Variants in COPS4 observed in about 807,000 individuals in gnomAD.
The protein encoded by COPS4 is COP9 signalosome subunit 4.
A neutral mutation model predicts 55.1 loss-of-function variants in COPS4; 8 were observed. The ratio of observed to expected loss-of-function variants is 0.15; its 90% CI spans 0.09 to 0.26. The LOEUF is 0.26. Ranked by LOEUF, COPS4 falls within the 10% of genes least tolerant of loss-of-function variation. The pLI is 1.00. For synonymous variants in COPS4, 185 were observed against 165.7 expected (o/e 1.12, Z -0.90); for missense variants, 248 against 484.0 (o/e 0.51, Z 4.58).
intron 1 of COPS4, among the ~76,000 whole-genome samples, chr4:83,040,463 T>G (rs1322278237): frequency 6.6e-6 from 1 of 152,210 alleles, no homozygotes; most frequent in Non-Finnish European, 1.5e-5. Flanking sequence ...GTAACCTTAC[T>G]TCCAAAGTGT....
chr4:83,071,128 TTTTAG>T (rs1296718218), intron 9 of COPS4, among the ~76,000 whole-genome samples: 1 of 152,214 alleles, frequency 6.6e-6, no homozygotes, highest in East Asian at 1.9e-4. Context: ...CTAGAATTTA[TTTTAG>T]TTATTTTCAG....
At chr4:83,061,132 G>C (rs1731156292) in intron 6 of COPS4, among the ~76,000 whole-genome samples, 2 of 151,222 alleles carry the variant, frequency 1.3e-5, no homozygotes, top group Admixed American at 1.3e-4. Flanking sequence ...TCTTCTGCAT[G>C]AACTTTTTTT....
At chr4:83,073,518 GAAAA>G (rs879912421) in intron 9 of COPS4, among the ~76,000 whole-genome samples, 1 of 149,432 alleles carries the variant, frequency 6.7e-6, no homozygotes, top group East Asian at 1.9e-4. Context: ...AAGCAAAATA[GAAAA>G]AAAAAGGGGG....
At chr4:83,074,736 C>G (rs1365456718) in intron 9 of COPS4, among the ~76,000 whole-genome samples, 1 of 151,678 alleles carries the variant, frequency 6.6e-6, no homozygotes, top group Non-Finnish European at 1.5e-5. Context: ...AAACTCCTGA[C>G]CTCAGGTGAT....
chr4:83,051,252 T>G (rs1730882697), intron 4 of COPS4, among the ~76,000 whole-genome samples: 1 of 151,990 alleles, frequency 6.6e-6, no homozygotes, highest in Admixed American at 6.6e-5. Context: ...AAAAAATTTT[T>G]TTTTGTTTTA....
chr4:83,073,818 G>A (rs1437236417), intron 9 of COPS4, among the ~76,000 whole-genome samples: 4 of 152,080 alleles, frequency 2.6e-5, no homozygotes, highest in South Asian at 2.1e-4. Context: ...TTAGCTGGGC[G>A]TAGTGGTGCA....
chr4:83,070,163 T>G (rs954680186), intron 9 of COPS4, among the ~76,000 whole-genome samples: 1 of 152,222 alleles, frequency 6.6e-6, no homozygotes, highest in East Asian at 1.9e-4. Context: ...CCAGCTATCC[T>G]TCATAGTCAT....
At chr4:83,061,371 C>A (rs1459431420) in intron 6 of COPS4, among the ~76,000 whole-genome samples, 1 of 152,056 alleles carries the variant, frequency 6.6e-6, no homozygotes, top group Admixed American at 6.6e-5. Flanking sequence ...AACTCCTAAC[C>A]CTACAAGAAT....
chr4:83,069,174 TA>T (rs981946920), intron 9 of COPS4, among the ~76,000 whole-genome samples: 6 of 152,186 alleles, frequency 3.9e-5, no homozygotes, highest in African/African-American at 1.2e-4. Context: ...GGCAGACAGG[TA>T]AGTGGATCCC....
chr4:83,057,979 C>A (rs1391292026), intron 6 of COPS4, among the ~76,000 whole-genome samples: 2 of 147,322 alleles, frequency 1.4e-5, no homozygotes, highest in Non-Finnish European at 3.0e-5. Flanking sequence ...TAAAATTTCA[C>A]TAAAGAAGTG....
intron 1 of COPS4, among the ~76,000 whole-genome samples, chr4:83,041,834 A>T (rs7660648): frequency 6.6e-6 from 1 of 151,930 alleles, no homozygotes. Context: ...CAGTTTTATC[A>T]TAACTTTTGT....
intron 9 of COPS4, among the ~76,000 whole-genome samples, chr4:83,071,048 T>C (rs551206160): frequency 1.5e-4 from 23 of 152,358 alleles, no homozygotes; most frequent in Non-Finnish European, 2.8e-4. Flanking sequence ...TAATCAGTAA[T>C]GATTTTCCTG....
At chr4:83,044,444 C>CAA (rs35654094) in intron 1 of COPS4, among the ~76,000 whole-genome samples, 10 of 59,932 alleles carry the variant, frequency 1.7e-4, no homozygotes, top group Non-Finnish European at 2.3e-4. Context: ...GACTCCATCT[C>CAA]AAAAAAAAAA....
chr4:83,046,944 G>C (rs2126128938), intron 2 of COPS4, among the ~76,000 whole-genome samples: 1 of 152,216 alleles, frequency 6.6e-6, no homozygotes, highest in Middle Eastern at 3.4e-3. Context: ...ATATTTCCCT[G>C]AGTAATACCA....
chr4:83,045,113 G>C (rs1057480941), intron 1 of COPS4, among the ~76,000 whole-genome samples: 1 of 152,158 alleles, frequency 6.6e-6, no homozygotes, highest in Non-Finnish European at 1.5e-5. Flanking sequence ...TTAATGTTTG[G>C]TTTCGTTGCC....
intron 7 of COPS4, among the ~76,000 whole-genome samples, chr4:83,064,659 A>G (rs573038449): frequency 6.6e-6 from 1 of 152,032 alleles, no homozygotes; most frequent in East Asian, 1.9e-4. Context: ...CACTGGTGCA[A>G]TCATGGCCCA....
intron 6 of COPS4, among the ~76,000 whole-genome samples, chr4:83,058,812 A>T (rs1731079203): frequency 6.6e-6 from 1 of 152,220 alleles, no homozygotes; most frequent in South Asian, 2.1e-4. Flanking sequence ...GATTATGCAC[A>T]TGTATGAGTA....
chr4:83,045,546 A>T, intron 1 of COPS4, 80 bp from the exon 2 acceptor site: 1 of 1,110,190 alleles, frequency 9.0e-7, no homozygotes. Context: ...AGGTATGTAG[A>T]AATGAATAAA....
At chr4:83,041,703 A>G (rs190913143) in intron 1 of COPS4, among the ~76,000 whole-genome samples, 104 of 151,724 alleles carry the variant, frequency 6.9e-4, no homozygotes, top group African/African-American at 2.4e-3. Flanking sequence ...CCTGGCCTCA[A>G]GCGATCGTCT....
Sources: allele counts gnomAD v4.1 joint callset (sites outside exome capture counted in the v4.1 genomes callset), GRCh38; gene constraint gnomAD v4.1.1; transcripts MANE v1.5; gene names NCBI Gene and HGNC (gene_info 2026-07-23, HGNC 2026-07-21).